SHISA9: variants seen among roughly 807,000 people sequenced by gnomAD.
SHISA9 encodes the protein protein shisa-9.
Under a neutral mutation model 38.0 loss-of-function variants are expected in SHISA9, and 13 were observed. That is an observed-to-expected ratio of 0.34 (90% CI 0.22 to 0.54). The LOEUF (loss-of-function observed/expected upper bound fraction) is 0.54. SHISA9 is among the 20% of genes least tolerant of loss of function. The pLI is 0.91. For missense variants in SHISA9, 538 were observed against 575.8 expected (o/e 0.93, Z 0.67); for synonymous variants, 275 against 242.0 (o/e 1.14, Z -1.27).
chr16:13,461,623 AT>A, the SHISA9 span, among the ~76,000 whole-genome samples: 29,971 of 106,246 alleles, frequency 0.28, 2,519 homozygotes, highest in South Asian at 0.4. Flanking sequence ...TTTTTTTTTA[AT>A]TTTTTTTTTT....
the SHISA9 span, among the ~76,000 whole-genome samples, chr16:13,419,338 C>G: frequency 2.6e-5 from 4 of 152,194 alleles, no homozygotes; most frequent in Non-Finnish European, 5.9e-5. Context: ...GAAATTTGAT[C>G]TGTGCTTTGG....
At chr16:12,920,021 C>G (rs138523003) in intron 2 of SHISA9, among the ~76,000 whole-genome samples, 1,564 of 152,328 alleles carry the variant, frequency 0.01, 10 homozygotes, top group Middle Eastern at 0.048. Flanking sequence ...CCCTCTCCCC[C>G]TTTCGGGGTT....
chr16:13,457,624 G>C, the SHISA9 span, among the ~76,000 whole-genome samples: 1 of 151,370 alleles, frequency 6.6e-6, no homozygotes, highest in Non-Finnish European at 1.5e-5. Flanking sequence ...CTTGTTCTCT[G>C]TTGTTCTTTC....
downstream of SHISA9, among the ~76,000 whole-genome samples, chr16:13,241,236 C>T (rs139270021): frequency 1.5e-4 from 23 of 152,230 alleles, no homozygotes; most frequent in East Asian, 2.7e-3. Context: ...CCTAGGCAGC[C>T]GGGCACGGTG....
intron 2 of SHISA9, among the ~76,000 whole-genome samples, chr16:13,140,110 C>T (rs997818361): frequency 3.9e-4 from 13 of 33,070 alleles, no homozygotes; most frequent in African/African-American, 1.4e-3. Flanking sequence ...CCTTCCCTTC[C>T]CTTCCCTTCC....
intron 2 of SHISA9, among the ~76,000 whole-genome samples, chr16:12,917,656 A>T (rs1427557473): frequency 6.6e-6 from 1 of 150,760 alleles, no homozygotes; most frequent in Non-Finnish European, 1.5e-5. Context: ...TACTGTGGTT[A>T]CCCCAGTAAT....
At chr16:13,279,290 A>G in the SHISA9 span, among the ~76,000 whole-genome samples, 2 of 151,894 alleles carry the variant, frequency 1.3e-5, no homozygotes. Flanking sequence ...AAATTTATTG[A>G]GGCTTGTTTT....
Position 12,921,780 on chromosome 16 carries a change from A to T in SHISA9, c.691+4965A>T, listed in dbSNP as rs113178302. Among the ~76,000 whole-genome samples the T allele has an allele frequency of 6.8e-3, 1,036 of 152,300 alleles. 6 individuals carry two copies. The highest frequency in any genetic ancestry group is 0.011 in the Non-Finnish European group (718 of 68,024). Reference sequence around the variant, plus strand: ...AACTCTGTCTCTATTAAAAAAAATTAAAAATTTTGAGGGAATTTCCTAGCC... The same window carrying T: ...AACTCTGTCTCTATTAAAAAAAATTTAAAATTTTGAGGGAATTTCCTAGCC... On this transcript the variant is annotated intron_variant, in intron 2 of 4. Transcript: ENST00000558583.
At chr16:13,118,063 T>A (rs188967226) in intron 2 of SHISA9, among the ~76,000 whole-genome samples, 83 of 151,966 alleles carry the variant, frequency 5.5e-4, no homozygotes, top group Non-Finnish European at 1.0e-4. Context: ...GTACCTTTAA[T>A]CCTAGTTACT....
chr16:13,405,528 G>A, the SHISA9 span, among the ~76,000 whole-genome samples: 1 of 152,172 alleles, frequency 6.6e-6, no homozygotes, highest in African/African-American at 2.4e-5. Context: ...TTATTACCTA[G>A]GTATATTGCA....
chr16:13,146,667 A>G (rs992819664), intron 2 of SHISA9, among the ~76,000 whole-genome samples: 3 of 152,204 alleles, frequency 2.0e-5, no homozygotes, highest in Non-Finnish European at 4.4e-5. Context: ...ATGGTTTATT[A>G]TATGAAGCAA....
chr16:13,267,305 C>A, the SHISA9 span, among the ~76,000 whole-genome samples: 2 of 152,144 alleles, frequency 1.3e-5, no homozygotes, highest in African/African-American at 4.8e-5. Flanking sequence ...ACATATTCAA[C>A]CTTAATAGTA....
At chr16:12,976,814 C>T (rs34026672) in intron 2 of SHISA9, among the ~76,000 whole-genome samples, 28,022 of 151,874 alleles carry the variant, frequency 0.18, 3,370 homozygotes, top group Middle Eastern at 0.31. Context: ...GAATGTCACC[C>T]CAAGCAGAGG....
At chr16:13,168,761 G>A (rs536278255) in intron 2 of SHISA9, among the ~76,000 whole-genome samples, 3 of 152,310 alleles carry the variant, frequency 2.0e-5, no homozygotes, top group East Asian at 1.9e-4. Flanking sequence ...CAGTGACATC[G>A]GAAGTGCATT....
chr16:13,540,709 G>T, the SHISA9 span, among the ~76,000 whole-genome samples: 2 of 152,126 alleles, frequency 1.3e-5, no homozygotes, highest in South Asian at 2.1e-4. Flanking sequence ...TAAATTTAGG[G>T]TAATGATGCT....
the SHISA9 span, among the ~76,000 whole-genome samples, chr16:13,300,336 A>G: frequency 6.6e-6 from 1 of 152,070 alleles, no homozygotes; most frequent in East Asian, 1.9e-4. Context: ...CAATTTTGGG[A>G]GTTTCCCTGC....
intron 1 of SHISA9, among the ~76,000 whole-genome samples, chr16:12,908,100 C>T (rs970994608): frequency 1.3e-5 from 2 of 152,212 alleles, no homozygotes; most frequent in African/African-American, 4.8e-5. Context: ...TGAGACAGGG[C>T]TTGGAAAACA....
rs539454979 is a variant in SHISA9, at chr16:13,140,279, G to A, written c.692-63115G>A. Among the ~76,000 whole-genome samples, 84 of 151,246 alleles carry A rather than the reference G, an allele frequency of 5.6e-4. 2 individuals carry two copies. The highest frequency in any genetic ancestry group is 6.9e-3 in the Middle Eastern group (2 of 290). On this transcript the variant is annotated intron_variant, in intron 2 of 4. Transcript: ENST00000558583. The stretch of plus-strand genomic sequence containing the variant: ...GTAACCTCCACCTCCCGGATTCAAG[G>A]AATTCTCCTGTCTCAGCCTCCTGAG...
intron 2 of SHISA9, among the ~76,000 whole-genome samples, chr16:13,154,794 T>TA (rs1386316144): frequency 6.6e-6 from 1 of 152,248 alleles, no homozygotes; most frequent in Admixed American, 6.5e-5. Flanking sequence ...ATTTCAGGTT[T>TA]AGGGTCTTTC....
Sources: allele counts gnomAD v4.1 joint callset (sites outside exome capture counted in the v4.1 genomes callset), GRCh38; gene constraint gnomAD v4.1.1; transcripts MANE v1.5; gene names NCBI Gene and HGNC (gene_info 2026-07-23, HGNC 2026-07-21).